Variants in CKMT2 observed in about 807,000 individuals in gnomAD.
CKMT2 encodes the protein creatine kinase, mitochondrial 2.
Under a neutral mutation model 48.9 loss-of-function variants are expected in CKMT2, and 43 were observed. That is an observed-to-expected ratio of 0.88 (90% CI 0.69 to 1.13). The LOEUF (loss-of-function observed/expected upper bound fraction) is 1.13. Among genes scored for constraint, CKMT2 ranks in the 50% most tolerant of loss-of-function variants. CKMT2 has a pLI of 0.00. For missense variants in CKMT2, 472 were observed against 555.4 expected (o/e 0.85, Z 1.51); for synonymous variants, 206 against 213.0 (o/e 0.97, Z 0.29).
chr5:81,251,337 A>C, intron 2 of CKMT2, 53 bp downstream of exon 2: 3 of 1,584,566 alleles, frequency 1.9e-6, no homozygotes, highest in Non-Finnish European at 8.6e-7. Flanking sequence ...TGGCTCATGC[A>C]TGTAATCCCA....
At chr5:81,236,190 A>G (rs988114975) in intron 1 of CKMT2, 2 of 152,172 alleles carry the variant, frequency 1.3e-5, no homozygotes, top group African/African-American at 2.4e-5. Context: ...TGAGGTGACA[A>G]TCCTGTGCCT....
At chr5:81,235,303 C>G (rs1756213456) in intron 1 of CKMT2, among the ~76,000 whole-genome samples, 1 of 152,130 alleles carries the variant, frequency 6.6e-6, no homozygotes, top group South Asian at 2.1e-4. Flanking sequence ...TAACGCACAC[C>G]CTTTGCTATC....
rs571433610 is a variant in CKMT2 at position 81,256,509 on chromosome 5, CAG to C, written c.670-402_670-401del. ...AATAATGAAGCAATAATGCTAGAAA[CAG>C]AGAATGAGCACTGTGTAGAACAGCC... On this transcript the variant is annotated intron_variant, in intron 5 of 9. Coordinates refer to ENST00000254035, the MANE Select transcript of CKMT2 (RefSeq NM_001099735.2). Among the ~76,000 whole-genome samples the C allele has an allele frequency of 3.2e-4, 49 of 152,272 alleles. 1 individual carries two copies. Among genetic ancestry groups the C allele is most frequent in the East Asian group, 2.1e-3 (11 of 5,174 alleles).
chr5:81,239,541 A>G (rs1398574954), intron 1 of CKMT2, among the ~76,000 whole-genome samples: 1 of 152,164 alleles, frequency 6.6e-6, no homozygotes, highest in Admixed American at 6.5e-5. Flanking sequence ...ACTGATGCAC[A>G]TGGGTGTGCA....
At chr5:81,256,801 C>T in intron 5 of CKMT2, 114 bp from the exon 6 acceptor site, 1 of 667,794 alleles carries the variant, frequency 1.5e-6, no homozygotes, top group Non-Finnish European at 2.6e-6. Flanking sequence ...CTAAGAACCA[C>T]TGCCTAAGAG....
chr5:81,244,431 G>A (rs16878572), intron 1 of CKMT2, among the ~76,000 whole-genome samples: 10,366 of 152,186 alleles, frequency 0.068, 439 homozygotes, highest in Admixed American at 0.099. Flanking sequence ...AGTAAAATCA[G>A]ACGCAGATGT....
At position 81,236,839 on chromosome 5, in the gene CKMT2, C is replaced by T. The variant is rs111685726; in HGVS notation, c.-21+3462C>T. Among the ~76,000 whole-genome samples the T allele has an allele frequency of 1.7e-4, 26 of 152,202 alleles. 1 individual carries two copies. The highest frequency in any genetic ancestry group is 9.7e-4 in the East Asian group (5 of 5,168). On this transcript the variant is annotated intron_variant, in intron 1 of 9. Coordinates refer to ENST00000254035, the MANE Select transcript of CKMT2 (RefSeq NM_001099735.2). Reference sequence around the variant, plus strand: ...TGATAGACACCTTTGAAGTCTTGTCCGCAGAGATAGAAAATACAAATTAAA... The same window carrying T: ...TGATAGACACCTTTGAAGTCTTGTCTGCAGAGATAGAAAATACAAATTAAA...
At position 81,252,911 on chromosome 5, in the gene CKMT2, T is replaced by C; in HGVS notation, c.351+18T>C. The C allele has an allele frequency of 6.2e-7, 1 of 1,613,750 alleles. No individual in the cohort carries two copies. Among genetic ancestry groups the C allele is most frequent in the Non-Finnish European group, 8.5e-7 (1 of 1,179,746 alleles). On this transcript the variant is annotated intron_variant, in intron 3 of 9. Coordinates refer to ENST00000254035, the MANE Select transcript of CKMT2 (RefSeq NM_001099735.2). Reference sequence around the variant, plus strand: ...CCTATGAGGTAAAACTATTGGCTGCTGGTTCCAGGGTGGGAGGGATGCTCT... The same window carrying C: ...CCTATGAGGTAAAACTATTGGCTGCCGGTTCCAGGGTGGGAGGGATGCTCT...
chr5:81,253,119 T>A (rs1237419884), intron 3 of CKMT2, among the ~76,000 whole-genome samples: 1 of 152,148 alleles, frequency 6.6e-6, no homozygotes, highest in African/African-American at 2.4e-5. Flanking sequence ...TGTGCTAAGA[T>A]CCCTCCCTGT....
chr5:81,244,224 A>G, intron 1 of CKMT2: 2 of 981,050 alleles, frequency 2.0e-6, no homozygotes, highest in Non-Finnish European at 2.4e-6. Flanking sequence ...CCTTACTGTA[A>G]TGCATCATGG....
At chr5:81,237,947 G>C (rs1255616968) in intron 1 of CKMT2, 2 of 152,130 alleles carry the variant, frequency 1.3e-5, no homozygotes, top group African/African-American at 2.4e-5. Flanking sequence ...GCAGTGCTGG[G>C]CTTCTCAAAC....
chr5:81,252,824 A>G lies in CKMT2; in HGVS notation c.282A>G (p.Gly94=). The change falls in exon 3 of 10, where the codon GGA becomes GGG. Residue 94 remains glycine, a synonymous_variant. Transcript: ENST00000254035. ...GYTLDQCIQT[G]VDNPGHPFIK... ...CGCTGGACCAGTGCATCCAGACTGG[A>G]GTGGACAACCCTGGCCACCCCTTCA... 1 of 1,614,228 alleles carries G rather than the reference A, an allele frequency of 6.2e-7. No homozygotes were observed. The highest frequency in any genetic ancestry group is 8.5e-7 in the Non-Finnish European group (1 of 1,180,042).
chr5:81,233,747 TCA>T (rs1030082465), intron 1 of CKMT2, among the ~76,000 whole-genome samples: 1 of 152,168 alleles, frequency 6.6e-6, no homozygotes, highest in East Asian at 1.9e-4. Flanking sequence ...CCCTTGTAAT[TCA>T]CAGAGTCTAA....
At position 81,254,637 on chromosome 5, in the gene CKMT2, G is replaced by A. The variant is rs566303812; in HGVS notation, c.447+146G>A. On this transcript the variant is annotated intron_variant, in intron 4 of 9. Coordinates refer to ENST00000254035, the MANE Select transcript of CKMT2 (RefSeq NM_001099735.2). ...CCCTGGCACAGCCTTCCCTCTGGAG[G>A]GCCACAGAGAAGGTTAGGAGGGTCC... 9 of 677,538 alleles carry A rather than the reference G, an allele frequency of 1.3e-5. No homozygotes were observed. In the East Asian group the frequency reaches 2.4e-4, roughly 18 times the overall value. 42.0% of individuals were successfully genotyped at this position (677,538 alleles called of 1,614,324 possible).
intron 1 of CKMT2, among the ~76,000 whole-genome samples, chr5:81,243,811 T>A (rs537841528): frequency 2.3e-4 from 35 of 152,280 alleles, no homozygotes; most frequent in African/African-American, 8.2e-4. Flanking sequence ...TGCCTCAGCC[T>A]CCCGAGTGGC....
chr5:81,239,038 G>A (rs1055429623), intron 1 of CKMT2: 1 of 152,122 alleles, frequency 6.6e-6, no homozygotes, highest in Non-Finnish European at 1.5e-5. Context: ...ACAAACGGAT[G>A]GATGAAAGAG....
chr5:81,243,350 T>A (rs115157201), intron 1 of CKMT2, among the ~76,000 whole-genome samples: 237 of 152,200 alleles, frequency 1.6e-3, no homozygotes, highest in African/African-American at 5.5e-3. Context: ...CAGGCTGTGG[T>A]CCAATTAGGC....
At chr5:81,244,345 T>C (rs576183247) in intron 1 of CKMT2, 1 of 232,850 alleles carries the variant, frequency 4.3e-6, no homozygotes, top group African/African-American at 2.3e-5. Context: ...TATGTGGGCC[T>C]TTCTACCTGT....
At chr5:81,237,848 A>G (rs922316901) in intron 1 of CKMT2, 2 of 152,178 alleles carry the variant, frequency 1.3e-5, no homozygotes, top group African/African-American at 2.4e-5. Flanking sequence ...GGTGTCACAG[A>G]TGGGCCTCCA....
Sources: gnomAD v4.1 joint callset for allele counts (sites outside exome capture counted in the v4.1 genomes callset) on GRCh38, gnomAD v4.1.1 for gene constraint, MANE v1.5 for transcripts, NCBI Gene and HGNC (gene_info 2026-07-23, HGNC 2026-07-21) for gene names.